Variants in APAF1 observed in about 807,000 individuals in gnomAD.
APAF1 encodes the protein apoptotic protease-activating factor 1.
In APAF1, 91 loss-of-function variants were observed where a neutral mutation model predicts 152.4. The observed-to-expected ratio is 0.60, with a 90% confidence interval of 0.50 to 0.71. The LOEUF (loss-of-function observed/expected upper bound fraction) is 0.71. Among genes scored for constraint, APAF1 ranks in the 30% least tolerant of loss-of-function variants. The probability of loss-of-function intolerance (pLI) is 0.00; values close to 1 mark genes in which losing one functional copy is unlikely to be tolerated. For missense variants in APAF1, 1,283 were observed against 1,472.0 expected, an observed-to-expected ratio of 0.87 and a Z score of 2.10; for synonymous variants, 484 against 494.1, an observed-to-expected ratio of 0.98 and a Z score of 0.27.
chr12:98,670,463 TA>T (rs1379395533), intron 10 of APAF1, among the ~76,000 whole-genome samples: 1 of 152,032 alleles, frequency 6.6e-6, no homozygotes, highest in Non-Finnish European at 1.5e-5. Flanking sequence ...GAATTTTCTA[TA>T]AAAAATAATT....
At chr12:98,732,381 A>G (rs773985785) in intron 26 of APAF1, 39 bp from the exon 27 acceptor site, 1 of 1,591,218 alleles carries the variant, frequency 6.3e-7, no homozygotes, top group East Asian at 2.2e-5. Context: ...ACACAGTGTA[A>G]TTACCAATCT....
At chr12:98,723,515 G>C in intron 23 of APAF1, 124 bp from the exon 24 acceptor site, 1 of 1,022,034 alleles carries the variant, frequency 9.8e-7, no homozygotes, top group Non-Finnish European at 1.5e-6. Context: ...TAAAGTAAAG[G>C]GGTCAGAACA....
intron 26 of APAF1, among the ~76,000 whole-genome samples, chr12:98,729,977 A>G (rs2153345807): frequency 6.6e-6 from 1 of 152,376 alleles, no homozygotes; most frequent in Non-Finnish European, 1.5e-5. Flanking sequence ...AGCTAGAAGA[A>G]TTATAATGTT....
intron 5 of APAF1, among the ~76,000 whole-genome samples, chr12:98,659,935 T>C (rs2097662910): frequency 6.6e-6 from 1 of 152,208 alleles, no homozygotes; most frequent in Non-Finnish European, 1.5e-5. Flanking sequence ...AGGAAATGTC[T>C]TAAGTAGGTG....
Position 98,715,542 on chromosome 12 carries a change from C to A in APAF1, c.3074C>A (p.Ala1025Asp), listed in dbSNP as rs77127123. 8.2e-4 allele frequency: 1,319 copies of A among 1,613,456 alleles called. 8 individuals are homozygous for A. In the African/African-American group the frequency reaches 0.015, roughly 18 times the overall value. Residue 1025 changes from alanine to aspartate, a missense_variant, in exon 22 of 27, where the codon GCT becomes GAT. Coordinates refer to ENST00000551964, the MANE Select transcript of APAF1 (RefSeq NM_181861.2). ...ACTCTTATTTCAAGTTCTGATGATG[C>A]TGAAATTCAGGTGAGAGGGAGGATG... Reference protein sequence around the residue: ...EKTLISSSDDAEIQVWNWQLD... With the variant: ...EKTLISSSDDDEIQVWNWQLD...
In APAF1 at chr12:98,665,257, TATATATATATATATATATATA is replaced by T. The variant is rs1383502624; in HGVS notation, c.956-295_956-275del. 2.4e-4 allele frequency among the ~76,000 whole-genome samples: 13 copies of T among 54,320 alleles called. 1 individual carries two copies. The Admixed American group carries it at 2.4e-3, about 10-fold the overall frequency. 35.6% of individuals were successfully genotyped at this position (54,320 alleles called of 152,430 possible). On this transcript the variant is annotated intron_variant, in intron 7 of 26. Transcript: ENST00000551964. Reference sequence around the variant, plus strand: ...TCATTATATTGCTTAGACTGGCGCATATATATATATATATATATATATTTTTTTTTTTTTTTGTAATGACAT... The same window carrying T: ...TCATTATATTGCTTAGACTGGCGCATTTTTTTTTTTTTTTTGTAATGACAT...
chr12:98,674,533 A>G (rs1593050947), intron 12 of APAF1, among the ~76,000 whole-genome samples: 1 of 152,078 alleles, frequency 6.6e-6, no homozygotes, highest in African/African-American at 2.4e-5. Flanking sequence ...TTTGCCCCAT[A>G]TCATAGGATT....
chr12:98,724,529 T>A (rs2097747628), intron 24 of APAF1, among the ~76,000 whole-genome samples: 1 of 152,236 alleles, frequency 6.6e-6, no homozygotes, highest in Non-Finnish European at 1.5e-5. Flanking sequence ...TTGTGCATGC[T>A]GCTAACTTTG....
chr12:98,658,680 C>T (rs1170683961), intron 4 of APAF1, among the ~76,000 whole-genome samples: 3 of 152,136 alleles, frequency 2.0e-5, no homozygotes, highest in Non-Finnish European at 4.4e-5. Context: ...CACACCCCCC[C>T]AGGTGACATT....
intron 16 of APAF1, among the ~76,000 whole-genome samples, chr12:98,694,424 C>T (rs895126093): frequency 1.9e-4 from 29 of 152,226 alleles, no homozygotes; most frequent in African/African-American, 6.5e-4. Flanking sequence ...TTTTCTCTTT[C>T]TGGAATGCTT....
intron 4 of APAF1, among the ~76,000 whole-genome samples, chr12:98,653,690 AAAT>A (rs1355821049): frequency 3.3e-4 from 20 of 60,994 alleles, no homozygotes; most frequent in African/African-American, 1.2e-3. Context: ...AAAAAAAAAA[AAAT>A]ATATATATAT....
intron 4 of APAF1, among the ~76,000 whole-genome samples, chr12:98,651,577 C>CAT (rs1471850457): frequency 1.1e-3 from 161 of 152,338 alleles, no homozygotes; most frequent in Non-Finnish European, 1.8e-3. Flanking sequence ...TCTGCTGCTG[C>CAT]AGCAAAGCTG....
At chr12:98,656,652 ACT>A (rs762242487) in intron 4 of APAF1, among the ~76,000 whole-genome samples, 4 of 152,034 alleles carry the variant, frequency 2.6e-5, no homozygotes, top group Non-Finnish European at 5.9e-5. Flanking sequence ...TGAGCAGGAA[ACT>A]CTCTTGTATC....
chr12:98,653,312 A>G (rs1379954361), intron 4 of APAF1, among the ~76,000 whole-genome samples: 1 of 152,030 alleles, frequency 6.6e-6, no homozygotes, highest in Non-Finnish European at 1.5e-5. Context: ...TGTGGTTCCT[A>G]TGGAAATGTT....
chr12:98,664,015 A>ATTTATTTAT (rs2097668986), intron 7 of APAF1, among the ~76,000 whole-genome samples: 1 of 144,264 alleles, frequency 6.9e-6, no homozygotes. Flanking sequence ...TTATTTATTT[A>ATTTATTTAT]TTTATTTATT....
chr12:98,709,637 T>C (rs2097725695), intron 20 of APAF1, among the ~76,000 whole-genome samples: 1 of 152,036 alleles, frequency 6.6e-6, no homozygotes, highest in South Asian at 2.1e-4. Context: ...TATATGTTGG[T>C]CAGCCCAAGC....
intron 22 of APAF1, among the ~76,000 whole-genome samples, chr12:98,718,974 C>T (rs1003716922): frequency 5.3e-5 from 8 of 152,088 alleles, no homozygotes; most frequent in African/African-American, 1.9e-4. Flanking sequence ...CTCTTTGCCC[C>T]ATCTCCTTCC....
At chr12:98,683,362 G>T (rs1275672229) in intron 15 of APAF1, 88 bp downstream of exon 15, 24 of 1,282,582 alleles carry the variant, frequency 1.9e-5, no homozygotes, top group African/African-American at 2.9e-5. Flanking sequence ...ACTACTATTA[G>T]GACTTTCTGG....
intron 14 of APAF1, among the ~76,000 whole-genome samples, chr12:98,681,487 G>A (rs1000544932): frequency 6.6e-6 from 1 of 152,154 alleles, no homozygotes; most frequent in African/African-American, 2.4e-5. Context: ...CTGATATATG[G>A]AAGACAGACC....
Sources: allele counts gnomAD v4.1 joint callset (sites outside exome capture counted in the v4.1 genomes callset), GRCh38; gene constraint gnomAD v4.1.1; transcripts MANE v1.5; gene names NCBI Gene and HGNC (gene_info 2026-07-23, HGNC 2026-07-21).